The following DSCAML1 variants were observed in gnomAD, a reference collection of about 807,000 sequenced individuals.
DSCAML1 encodes cell adhesion molecule DSCAML1.
A neutral mutation model predicts 200.5 loss-of-function variants in DSCAML1; 38 were observed. That is an observed-to-expected ratio of 0.19 (90% CI 0.15 to 0.25). DSCAML1 has a LOEUF of 0.25. DSCAML1 is among the 10% of genes least tolerant of loss of function. The probability of loss-of-function intolerance (pLI) is 1.00; values close to 1 mark genes in which losing one functional copy is unlikely to be tolerated. For synonymous variants in DSCAML1, 1,215 were observed against 1,165.0 expected, an observed-to-expected ratio of 1.04 and a Z score of -0.87; for missense variants, 2,223 against 2,858.8, an observed-to-expected ratio of 0.78 and a Z score of 5.07.
intron 3 of DSCAML1, among the ~76,000 whole-genome samples, chr11:117,654,812 C>T (rs1048828696): frequency 1.3e-5 from 2 of 152,136 alleles, no homozygotes; most frequent in African/African-American, 2.4e-5. Flanking sequence ...TTATCTGCGG[C>T]GTGGAGGGCA....
chr11:117,713,018 C>T (rs1162100862), intron 3 of DSCAML1, among the ~76,000 whole-genome samples: 1 of 152,136 alleles, frequency 6.6e-6, no homozygotes, highest in African/African-American at 2.4e-5. Flanking sequence ...ACACCCAGGA[C>T]CTATAAAAAC....
chr11:117,555,804 C>A (rs910898595), intron 3 of DSCAML1, among the ~76,000 whole-genome samples: 1 of 151,984 alleles, frequency 6.6e-6, no homozygotes, highest in Non-Finnish European at 1.5e-5. Flanking sequence ...TCATGCTGGG[C>A]CCTACAGACA....
In DSCAML1 at chr11:117,463,065, TCAGCA is replaced by T. The variant is rs1214185647; in HGVS notation, c.3266-1474_3266-1470del. On this transcript the variant is annotated intron_variant, in intron 17 of 32. Transcript: ENST00000651296. The surrounding 1 kb of genome is among the most constrained non-coding windows in gnomAD (Gnocchi z 4.0). Reference sequence around the variant, plus strand: ...TTAGGTGGGGCAGGCTGGCCTCGGCTCAGCACGACTGTTCCCTGGACACACCTTCC... The same window carrying T: ...TTAGGTGGGGCAGGCTGGCCTCGGCTCGACTGTTCCCTGGACACACCTTCC... Among the ~76,000 whole-genome samples, 1 of 152,200 alleles carries T rather than the reference TCAGCA, an allele frequency of 6.6e-6. No individual in the cohort carries two copies. The highest frequency in any genetic ancestry group is 1.5e-5 in the Non-Finnish European group (1 of 68,032).
chr11:117,437,302 C>A lies in DSCAML1; in HGVS notation c.4540G>T (p.Val1514Phe). Reference protein sequence around the residue: ...NNGGCPITAIVLEYRPKGTWA... With the variant: ...NNGGCPITAIFLEYRPKGTWA... Reference sequence around the variant, plus strand: ...GTCCCCTTGGGCCGGTACTCCAGAACGATGGCTGTGATAGGGCAGCCCCCA... The same window carrying A: ...GTCCCCTTGGGCCGGTACTCCAGAAAGATGGCTGTGATAGGGCAGCCCCCA... The change falls in exon 26 of 33, where the codon GTT (valine) becomes TTT (phenylalanine). Residue 1514 changes from valine (V) to phenylalanine (F), a missense_variant. Physicochemically the swap from Val to Phe is conservative, Grantham distance 50 (BLOSUM62 -1). Around this residue, in one of 7 missense-constraint regions of DSCAML1, gnomAD observed 614 missense variants for 739.1 expected, o/e 0.83. Coordinates refer to ENST00000651296, the MANE Select transcript of DSCAML1 (RefSeq NM_020693.4). This position sits in a 1 kb window ranked among gnomAD's most constrained non-coding sequence, Gnocchi z 5.3. 1.9e-6 allele frequency: 3 copies of A among 1,614,266 alleles called. No individual in the cohort carries two copies. The highest frequency in any genetic ancestry group is 2.2e-5 in the South Asian group (2 of 91,092).
chr11:117,511,098 T>C (rs1209777181), intron 8 of DSCAML1, among the ~76,000 whole-genome samples: 1 of 152,170 alleles, frequency 6.6e-6, no homozygotes, highest in African/African-American at 2.4e-5. Flanking sequence ...CTCTGGCACA[T>C]GCTCCCAGGC....
intron 3 of DSCAML1, among the ~76,000 whole-genome samples, chr11:117,545,262 A>C (rs1365743586): frequency 2.0e-5 from 3 of 151,006 alleles, no homozygotes; most frequent in East Asian, 3.9e-4. Flanking sequence ...CACACACACA[A>C]AACACAAGGA....
intron 3 of DSCAML1, among the ~76,000 whole-genome samples, chr11:117,614,617 G>A (rs1483123715): frequency 6.6e-6 from 1 of 152,160 alleles, no homozygotes; most frequent in Non-Finnish European, 1.5e-5. Flanking sequence ...ATTATCCCCT[G>A]TGGTCCCCTG....
At chr11:117,649,400 A>T (rs1010160824) in intron 3 of DSCAML1, among the ~76,000 whole-genome samples, 4 of 152,094 alleles carry the variant, frequency 2.6e-5, no homozygotes, top group African/African-American at 9.7e-5. Flanking sequence ...GCCCAAAGAG[A>T]AAGCCTTTCC....
chr11:117,624,916 G>A (rs1168431227), intron 3 of DSCAML1, among the ~76,000 whole-genome samples: 2 of 152,156 alleles, frequency 1.3e-5, no homozygotes, highest in Non-Finnish European at 2.9e-5. Context: ...GGTCTAGATT[G>A]GTGATGTTTG....
At chr11:117,535,017 C>T (rs2137350477) in intron 3 of DSCAML1, among the ~76,000 whole-genome samples, 1 of 152,262 alleles carries the variant, frequency 6.6e-6, no homozygotes, top group Non-Finnish European at 1.5e-5. Context: ...TCCTTTCTTT[C>T]CTCCCTCCCG....
Position 117,638,687 on chromosome 11 carries a change from G to A in DSCAML1, c.512-106165C>T, listed in dbSNP as rs140239961. Reference sequence around the variant, plus strand: ...AGTAATATTTTCAAGGCACATCCACGTCACAACATGAATCTGTACTTCATC... The same window carrying A: ...AGTAATATTTTCAAGGCACATCCACATCACAACATGAATCTGTACTTCATC... On this transcript the variant is annotated intron_variant, in intron 3 of 32. Coordinates refer to ENST00000651296, the MANE Select transcript of DSCAML1 (RefSeq NM_020693.4). Among the ~76,000 whole-genome samples the A allele has an allele frequency of 1.0e-3, 158 of 152,174 alleles. No homozygotes were observed. The East Asian group carries it at 0.019, about 18-fold the overall frequency.
intron 1 of DSCAML1, among the ~76,000 whole-genome samples, chr11:117,807,708 A>G (rs971259688): frequency 6.6e-6 from 1 of 152,156 alleles, no homozygotes; most frequent in Non-Finnish European, 1.5e-5. Flanking sequence ...TTTGGGCGGG[A>G]TGGGGGCTCC....
chr11:117,606,416 C>T (rs1333331467), intron 3 of DSCAML1, among the ~76,000 whole-genome samples: 1 of 152,188 alleles, frequency 6.6e-6, no homozygotes. Context: ...TTGTGAATAG[C>T]TCTGAGGGTT....
rs1312850513 is a variant in DSCAML1, at chr11:117,428,327, C to T, written c.*1G>A. 2.6e-6 allele frequency: 4 copies of T among 1,518,502 alleles called. No homozygotes were observed. Among genetic ancestry groups the T allele is most frequent in the African/African-American group, 2.8e-5 (2 of 70,708 alleles). 94.1% of individuals were successfully genotyped at this position (1,518,502 alleles called of 1,614,324 possible). On this transcript the variant is annotated 3_prime_UTR_variant, in exon 33 of 33. Coordinates refer to ENST00000651296, the MANE Select transcript of DSCAML1 (RefSeq NM_020693.4). ...AGGCGTGGCTGCTCTTCCTGCGGGC[C>T]CTACACCAGGGTGTAGGATTTGGAG...
intron 3 of DSCAML1, among the ~76,000 whole-genome samples, chr11:117,672,392 TC>T (rs1313029207): frequency 6.6e-6 from 1 of 151,884 alleles, no homozygotes; most frequent in African/African-American, 2.4e-5. Flanking sequence ...CTGGCCATTT[TC>T]CCCCCACTCC....
intron 3 of DSCAML1, among the ~76,000 whole-genome samples, chr11:117,546,969 T>C (rs559535459): frequency 6.6e-6 from 1 of 152,226 alleles, no homozygotes; most frequent in East Asian, 1.9e-4. Context: ...CTGACATTCA[T>C]TAGACATGCA....
intron 3 of DSCAML1, among the ~76,000 whole-genome samples, chr11:117,776,366 A>G (rs898139430): frequency 1.3e-5 from 2 of 151,836 alleles, no homozygotes; most frequent in South Asian, 2.1e-4. Flanking sequence ...GGCAGTGCTC[A>G]CTGTTTTAGT....
intron 3 of DSCAML1, among the ~76,000 whole-genome samples, chr11:117,739,714 A>G (rs1344328672): frequency 3.3e-5 from 5 of 152,316 alleles, no homozygotes; most frequent in Non-Finnish European, 5.9e-5. Context: ...CTGCATGGCC[A>G]TTAGTGGTGG....
chr11:117,677,823 C>T (rs1405011836), intron 3 of DSCAML1, among the ~76,000 whole-genome samples: 6 of 152,160 alleles, frequency 3.9e-5, no homozygotes, highest in Non-Finnish European at 8.8e-5. Flanking sequence ...CCAAGGCTGC[C>T]GAGCTACTGA....
Sources: gnomAD v4.1 joint callset for allele counts (sites outside exome capture counted in the v4.1 genomes callset) on GRCh38, gnomAD v4.1.1 for gene constraint, gnomAD v4.1.1 regional missense constraint, Gnocchi (gnomAD v3.1) non-coding constraint, MANE v1.5 for transcripts, NCBI Gene and HGNC (gene_info 2026-07-23, HGNC 2026-07-21) for gene names.